XPO4: variants seen among roughly 807,000 people sequenced by gnomAD.
XPO4 encodes the protein exportin-4.
A neutral mutation model predicts 143.0 loss-of-function variants in XPO4; 39 were observed. That is an observed-to-expected ratio of 0.27 (90% CI 0.21 to 0.36). XPO4 has a LOEUF of 0.36. XPO4 is among the 10% of genes least tolerant of loss of function. XPO4 has a pLI of 1.00. For synonymous variants in XPO4, 439 were observed against 474.0 expected (o/e 0.93, Z 0.96); for missense variants, 907 against 1,348.0 (o/e 0.67, Z 5.12).
chr13:20,827,309 T>C (rs1595102167), intron 6 of XPO4, 130 bp from the exon 7 acceptor site: 1 of 633,908 alleles, frequency 1.6e-6, no homozygotes, highest in Non-Finnish European at 2.8e-6. Flanking sequence ...TCACATATGC[T>C]ACATAATTCA....
intron 1 of XPO4, among the ~76,000 whole-genome samples, chr13:20,873,404 G>A (rs1356164868): frequency 5.3e-5 from 8 of 152,124 alleles, no homozygotes; most frequent in African/African-American, 1.9e-4. Flanking sequence ...TTTCAGGGCT[G>A]ACTATATGCC....
intron 6 of XPO4, among the ~76,000 whole-genome samples, chr13:20,829,006 T>C (rs952789772): frequency 6.6e-6 from 1 of 152,258 alleles, no homozygotes; most frequent in African/African-American, 2.4e-5. Context: ...CTCTCCACTA[T>C]TGTGTATCTT....
intron 8 of XPO4, 71 bp downstream of exon 8, chr13:20,822,057 GTTTC>G (rs1411840655): frequency 3.4e-6 from 5 of 1,488,182 alleles, no homozygotes; most frequent in Non-Finnish European, 3.6e-6. Flanking sequence ...AAAATAACTA[GTTTC>G]TTTTTTTCTT....
At chr13:20,831,804 A>AT (rs34302388) in intron 6 of XPO4, among the ~76,000 whole-genome samples, 24,306 of 88,704 alleles carry the variant, frequency 0.27, 3,736 homozygotes, top group East Asian at 0.64. Flanking sequence ...TAGTACAGTG[A>AT]TTTTTTTTTT....
chr13:20,827,008 G>A (rs769667576), intron 7 of XPO4, 59 bp downstream of exon 7: 31 of 1,214,000 alleles, frequency 2.6e-5, no homozygotes, highest in Middle Eastern at 1.9e-4. Flanking sequence ...TAAGAAACTC[G>A]CCAAGGCATT....
At chr13:20,851,711 C>CAAAA (rs11340357) in intron 4 of XPO4, 198 of 780,884 alleles carry the variant, frequency 2.5e-4, no homozygotes, top group African/African-American at 2.2e-3. Context: ...CCCGGTCTCA[C>CAAAA]AAAAAAAAAA....
rs140439692 is a variant in XPO4, at chr13:20,889,394, T to A, written c.69+13276A>T. On this transcript the variant is annotated intron_variant, in intron 1 of 22. Transcript: ENST00000255305. ...TGAGTCTTCAGATGATGATGTTATA[T>A]CAGTGGTTCTTAATTTAGGTAATTT... is the stretch of plus-strand genomic sequence containing the variant. Among the ~76,000 whole-genome samples, 97 of 152,308 alleles carry A rather than the reference T, an allele frequency of 6.4e-4. No individual in the cohort carries two copies. The East Asian group carries it at 0.019, about 29-fold the overall frequency.
intron 16 of XPO4, among the ~76,000 whole-genome samples, chr13:20,798,895 T>A (rs2059393766): frequency 6.6e-6 from 1 of 150,982 alleles, no homozygotes. Context: ...GTGGCATGAG[T>A]CTGTAGTCCC....
At chr13:20,866,246 C>A in intron 2 of XPO4, 5 of 984,792 alleles carry the variant, frequency 5.1e-6, no homozygotes, top group Non-Finnish European at 6.0e-6. Flanking sequence ...ATACACCACA[C>A]ACACACACAG....
chr13:20,851,671 T>C (rs1015265922), intron 4 of XPO4: 85 of 772,142 alleles, frequency 1.1e-4, no homozygotes, highest in South Asian at 4.1e-4. Flanking sequence ...GACTACACCA[T>C]TGCCCTCCAG....
chr13:20,793,273 T>C (rs1295310823), intron 18 of XPO4, among the ~76,000 whole-genome samples: 1 of 152,216 alleles, frequency 6.6e-6, no homozygotes, highest in Non-Finnish European at 1.5e-5. Context: ...TTCATTTTTG[T>C]TTCTTCTGAA....
At chr13:20,893,044 G>C (rs1189749331) in intron 1 of XPO4, among the ~76,000 whole-genome samples, 2 of 151,432 alleles carry the variant, frequency 1.3e-5, no homozygotes, top group African/African-American at 4.8e-5. Context: ...AGAAGGACTA[G>C]TATATGAGAG....
At chr13:20,897,632 T>C (rs1232638281) in intron 1 of XPO4, among the ~76,000 whole-genome samples, 2 of 152,228 alleles carry the variant, frequency 1.3e-5, no homozygotes, top group African/African-American at 2.4e-5. Flanking sequence ...TGTTTCTATA[T>C]ACTGAAGAAA....
intron 16 of XPO4, among the ~76,000 whole-genome samples, chr13:20,797,353 T>G (rs1199404657): frequency 6.6e-6 from 1 of 152,080 alleles, no homozygotes; most frequent in African/African-American, 2.4e-5. Flanking sequence ...AAAAAAAACT[T>G]TGTTTACAAA....
chr13:20,814,393 A>G (rs1447169428), intron 9 of XPO4, among the ~76,000 whole-genome samples: 1 of 152,236 alleles, frequency 6.6e-6, no homozygotes, highest in East Asian at 1.9e-4. Flanking sequence ...TTAGAACAGA[A>G]GATCAGAGGT....
At chr13:20,786,524 A>C (rs957164962) in intron 22 of XPO4, among the ~76,000 whole-genome samples, 17 of 152,094 alleles carry the variant, frequency 1.1e-4, no homozygotes, top group Admixed American at 1.3e-4. Context: ...TTAAAAGATC[A>C]ACAAAATGAA....
intron 1 of XPO4, among the ~76,000 whole-genome samples, chr13:20,871,939 T>C (rs575563919): frequency 6.6e-6 from 1 of 152,288 alleles, no homozygotes; most frequent in African/African-American, 2.4e-5. Context: ...ATACAAACAA[T>C]AAAATTATCA....
intron 21 of XPO4, 37 bp downstream of exon 21, chr13:20,787,444 G>T: frequency 6.3e-7 from 1 of 1,575,182 alleles, no homozygotes; most frequent in Non-Finnish European, 8.7e-7. Context: ...ACTTTTGAAA[G>T]TAGCTGATTT....
chr13:20,808,395 T>C, intron 12 of XPO4, 41 bp downstream of exon 12: 1 of 1,487,246 alleles, frequency 6.7e-7, no homozygotes, highest in Non-Finnish European at 9.1e-7. Context: ...CTTAAATTGC[T>C]CAGTTGGCAA....
Sources: gnomAD v4.1 joint callset for allele counts (sites outside exome capture counted in the v4.1 genomes callset) on GRCh38, gnomAD v4.1.1 for gene constraint, MANE v1.5 for transcripts, NCBI Gene and HGNC (gene_info 2026-07-23, HGNC 2026-07-21) for gene names.